The following TIAM1 variants were observed in gnomAD, a reference collection of about 807,000 sequenced individuals.
TIAM1 encodes the protein TIAM Rac1 associated GEF 1.
In TIAM1, 65 loss-of-function variants were observed where a neutral mutation model predicts 163.5. That is an observed-to-expected ratio of 0.40 (90% CI 0.33 to 0.49). TIAM1 has a LOEUF of 0.49. Ranked by LOEUF, TIAM1 falls within the 20% of genes least tolerant of loss-of-function variation. The pLI, the probability that TIAM1 is intolerant of heterozygous loss-of-function variation, is 0.77. For missense variants in TIAM1, 1,789 were observed against 2,044.7 expected (o/e 0.87, Z 2.41); for synonymous variants, 833 against 810.1 (o/e 1.03, Z -0.48).
chr21:31,514,810 C>T (rs1209835652), intron 1 of TIAM1, among the ~76,000 whole-genome samples: 1 of 152,238 alleles, frequency 6.6e-6, no homozygotes, highest in African/African-American at 2.4e-5. Flanking sequence ...GATGCAGCTG[C>T]GCTGCCCTCT....
chr21:31,410,738 A>T (rs1477933280), intron 2 of TIAM1, among the ~76,000 whole-genome samples: 3 of 151,598 alleles, frequency 2.0e-5, no homozygotes, highest in Non-Finnish European at 4.4e-5. Context: ...GAAAGGGAGG[A>T]GAGAGAGGCA....
At chr21:31,470,580 G>A (rs557390012) in intron 1 of TIAM1, among the ~76,000 whole-genome samples, 31 of 147,650 alleles carry the variant, frequency 2.1e-4, no homozygotes, top group African/African-American at 5.3e-4. Context: ...TGATCCACCC[G>A]CCTCAGCCTC....
chr21:31,471,930 C>T (rs943140686), intron 1 of TIAM1, among the ~76,000 whole-genome samples: 2 of 151,218 alleles, frequency 1.3e-5, no homozygotes, highest in African/African-American at 4.9e-5. Context: ...CCAGGCAATG[C>T]CACCTGAGAG....
chr21:31,266,024 C>T lies in TIAM1; in HGVS notation c.949G>A (p.Ala317Thr). The T allele has an allele frequency of 6.2e-7, 1 of 1,613,426 alleles. No individual in the cohort carries two copies. The highest frequency in any genetic ancestry group is 1.1e-5 in the South Asian group (1 of 91,022). Residue 317 changes from alanine (A) to threonine (T), a missense_variant, in exon 4 of 28, where the codon GCT becomes ACT. Transcript: ENST00000541036. ...SHSNSMQGRRAKTTQDVNAGE... is the reference protein window; with the variant it reads ...SHSNSMQGRRTKTTQDVNAGE... ...AATCACTTTACCTGAGTTGTTTTAG[C>T]TCTTCTGCCTTGCATGCTGTTGCTA...
At chr21:31,381,959 T>C (rs1184631633) in intron 2 of TIAM1, among the ~76,000 whole-genome samples, 1 of 152,186 alleles carries the variant, frequency 6.6e-6, no homozygotes, top group Non-Finnish European at 1.5e-5. Context: ...TTGGACTTCC[T>C]CACCTTCAGA....
intron 22 of TIAM1, among the ~76,000 whole-genome samples, chr21:31,139,869 G>A (rs1237288576): frequency 6.6e-6 from 1 of 152,172 alleles, no homozygotes; most frequent in Non-Finnish European, 1.5e-5. Flanking sequence ...TCTTTGTAAA[G>A]TGTAGGTAAC....
intron 15 of TIAM1, among the ~76,000 whole-genome samples, chr21:31,176,335 A>G (rs2084763119): frequency 6.6e-6 from 1 of 152,218 alleles, no homozygotes. Flanking sequence ...AGATCTTTTT[A>G]TAAAAACAGC....
chr21:31,431,373 G>C (rs1441144791), intron 2 of TIAM1, among the ~76,000 whole-genome samples: 1 of 152,132 alleles, frequency 6.6e-6, no homozygotes, highest in Non-Finnish European at 1.5e-5. Context: ...GTAGATTGGG[G>C]GTGGATGGGG....
chr21:31,170,388 T>C (rs1454846042), intron 15 of TIAM1, among the ~76,000 whole-genome samples: 1 of 152,182 alleles, frequency 6.6e-6, no homozygotes, highest in African/African-American at 2.4e-5. Flanking sequence ...TTTATGCAAG[T>C]AGGCCACATA....
intron 2 of TIAM1, among the ~76,000 whole-genome samples, chr21:31,312,645 CATA>C (rs1184398155): frequency 6.6e-6 from 1 of 152,126 alleles, no homozygotes; most frequent in Non-Finnish European, 1.5e-5. Flanking sequence ...TGAATCCATC[CATA>C]ATAATAGGGT....
intron 16 of TIAM1, among the ~76,000 whole-genome samples, chr21:31,162,077 C>T: frequency 6.6e-6 from 1 of 152,178 alleles, no homozygotes; most frequent in African/African-American, 2.4e-5. Flanking sequence ...TGTTAACAAT[C>T]TGGACACAAG....
chr21:31,334,727 G>A (rs554451354), intron 2 of TIAM1, among the ~76,000 whole-genome samples: 8 of 152,226 alleles, frequency 5.3e-5, no homozygotes, highest in African/African-American at 1.9e-4. Context: ...GCATCAGTTC[G>A]GAGCAGAGAG....
chr21:31,520,786 G>A (rs1324919255), intron 1 of TIAM1, among the ~76,000 whole-genome samples: 1 of 152,258 alleles, frequency 6.6e-6, no homozygotes, highest in Non-Finnish European at 1.5e-5. Context: ...GAAACATTAT[G>A]TAACTTAAGC....
intron 2 of TIAM1, among the ~76,000 whole-genome samples, chr21:31,308,869 G>C (rs1016266561): frequency 1.3e-5 from 2 of 152,168 alleles, no homozygotes; most frequent in African/African-American, 4.8e-5. Context: ...TAACAAGTTT[G>C]GTTATCTGGT....
chr21:31,316,136 A>G (rs1244028948), intron 2 of TIAM1, among the ~76,000 whole-genome samples: 5 of 152,268 alleles, frequency 3.3e-5, no homozygotes, highest in Non-Finnish European at 7.4e-5. Context: ...GTTAAACTGG[A>G]AAAGGAGGAA....
intron 16 of TIAM1, among the ~76,000 whole-genome samples, chr21:31,163,949 TCA>T (rs2084065219): frequency 6.6e-6 from 1 of 152,188 alleles, no homozygotes; most frequent in Admixed American, 6.5e-5. Context: ...GGAAACAAAA[TCA>T]CACGCAATTG....
chr21:31,266,874 C>A lies in TIAM1; in HGVS notation c.99G>T (p.Ser33=). ...RKHTSRSLRL[S]HKTRRTRHAS... ...CGTGCCTGGTCCTCCGCGTCTTGTG[C>A]GAGAGGCGCAGGGAGCGGGAAGTGT... The change falls in exon 4 of 28, where the codon TCG becomes TCT. Residue 33 remains serine, a synonymous_variant. Transcript: ENST00000541036. The A allele has an allele frequency of 6.2e-7, 1 of 1,614,084 alleles. No homozygotes were observed. The highest frequency in any genetic ancestry group is 8.5e-7 in the Non-Finnish European group (1 of 1,180,028).
At position 31,243,208 on chromosome 21, in the gene TIAM1, AAAT is replaced by A. The variant is rs1383628915; in HGVS notation, c.1584+2277_1584+2279del. Among the ~76,000 whole-genome samples the A allele has an allele frequency of 1.5e-4, 18 of 124,080 alleles. No individual in the cohort carries two copies. The South Asian group carries it at 1.9e-3, about 13-fold the overall frequency. The allele number at this position is 124,080 out of a possible 152,430, so 81.4% of individuals were successfully genotyped here. A position where few individuals can be genotyped will look rare whatever the true frequency, so the allele number is the denominator to read the frequency against. On this transcript the variant is annotated intron_variant, in intron 6 of 27. Coordinates refer to ENST00000541036, the MANE Select transcript of TIAM1 (RefSeq NM_001353694.2). ...ACTTCATCTCAAAAAAAAAAAAAAA[AAAT>A]ATATATATATATATGTATATTTCAT...
At position 31,251,932 on chromosome 21, in the gene TIAM1, C is replaced by T; in HGVS notation, c.1221G>A (p.Ala407=). The T allele has an allele frequency of 1.2e-6, 2 of 1,613,738 alleles. No individual in the cohort carries two copies. The highest frequency in any genetic ancestry group is 1.1e-5 in the South Asian group (1 of 91,062). ...NSESLEEAGS[A]HSDEQSSGTL... ...TGCCGCTGCTCTGCTCATCGCTGTGCGCCGAGCCGGCCTCCTCCAGGCTCT... is the reference window on the plus strand; with the variant it reads ...TGCCGCTGCTCTGCTCATCGCTGTGTGCCGAGCCGGCCTCCTCCAGGCTCT... The change falls in exon 5 of 28, where the codon GCG becomes GCA. Residue 407 remains alanine (A), a synonymous_variant. Transcript: ENST00000541036.
Sources: allele counts gnomAD v4.1 joint callset (sites outside exome capture counted in the v4.1 genomes callset), GRCh38; gene constraint gnomAD v4.1.1; transcripts MANE v1.5; gene names NCBI Gene and HGNC (gene_info 2026-07-23, HGNC 2026-07-21).